Variants in TRAPPC10 observed in about 807,000 individuals in gnomAD.
TRAPPC10 encodes the protein TRAPP 130 kDa subunit.
TRAPPC10 carries 23 observed loss-of-function variants against 125.5 expected under a neutral mutation model. That is an observed-to-expected ratio of 0.18 (90% CI 0.13 to 0.26). The LOEUF is 0.26. Ranked by LOEUF, TRAPPC10 falls within the 10% of genes least tolerant of loss-of-function variation. TRAPPC10 has a pLI of 1.00. For missense variants in TRAPPC10, 1,123 were observed against 1,308.4 expected (o/e 0.86, Z 2.19); for synonymous variants, 509 against 518.0 (o/e 0.98, Z 0.24).
intron 20 of TRAPPC10, among the ~76,000 whole-genome samples, chr21:44,095,547 GTTTT>G (rs879736478): frequency 6.8e-6 from 1 of 147,500 alleles, no homozygotes; most frequent in Non-Finnish European, 1.5e-5. Flanking sequence ...TAAAGTATGG[GTTTT>G]TTTTTGTTTT....
chr21:44,065,873 A>AT (rs1208419929), intron 7 of TRAPPC10, among the ~76,000 whole-genome samples: 2 of 152,062 alleles, frequency 1.3e-5, no homozygotes, highest in East Asian at 1.9e-4. Context: ...AAATTTTTAA[A>AT]TTTTTTGGTA....
chr21:44,072,722 C>G (rs1209995520), intron 7 of TRAPPC10, among the ~76,000 whole-genome samples: 4 of 152,204 alleles, frequency 2.6e-5, no homozygotes, highest in African/African-American at 7.2e-5. Flanking sequence ...CCTCGGCCTC[C>G]CAACGTGCTG....
At chr21:44,072,253 G>A (rs186247958) in intron 7 of TRAPPC10, among the ~76,000 whole-genome samples, 358 of 147,038 alleles carry the variant, frequency 2.4e-3, no homozygotes, top group African/African-American at 8.0e-3. Context: ...CTCAGCTCTC[G>A]GCTGCTGCTG....
Position 44,087,722 on chromosome 21 carries a change from C to T in TRAPPC10, c.2563C>T (p.Arg855Trp), listed in dbSNP as rs775955824. The change falls in exon 17 of 23, where the codon CGG becomes TGG. Residue 855 changes from arginine to tryptophan, a missense_variant. By Grantham distance (101) the Arg-to-Trp change is moderately radical (BLOSUM62 -3). Coordinates refer to ENST00000291574, the MANE Select transcript of TRAPPC10 (RefSeq NM_003274.5). This position sits in a 1 kb window ranked among gnomAD's most constrained non-coding sequence, Gnocchi z 4.6. ...TREQSSEAALRIQSSDKVTSI... is the reference protein window; with the variant it reads ...TREQSSEAALWIQSSDKVTSI... ...AGAACAGTCTTCTGAGGCCGCGCTC[C>T]GGATTCAGTCCTCCGACAAGGTCAC... 3.0e-5 allele frequency: 48 copies of T among 1,613,842 alleles called. No homozygotes were observed. The highest frequency in any genetic ancestry group is 4.0e-5 in the African/African-American group (3 of 74,930).
At chr21:44,071,797 G>T (rs992009041) in intron 7 of TRAPPC10, among the ~76,000 whole-genome samples, 9 of 152,346 alleles carry the variant, frequency 5.9e-5, no homozygotes, top group Non-Finnish European at 1.3e-4. Flanking sequence ...GTGAGAACTC[G>T]CAGCGGAGAC....
At chr21:44,026,777 T>G (rs766963881) in intron 1 of TRAPPC10, among the ~76,000 whole-genome samples, 1 of 152,216 alleles carries the variant, frequency 6.6e-6, no homozygotes, top group Non-Finnish European at 1.5e-5. Context: ...CTGCTTTTAG[T>G]CGCAACTGGG....
At chr21:44,018,961 C>T (rs2032187926) in intron 1 of TRAPPC10, among the ~76,000 whole-genome samples, 1 of 152,184 alleles carries the variant, frequency 6.6e-6, no homozygotes, top group Non-Finnish European at 1.5e-5. Flanking sequence ...AGGTATTGCA[C>T]ACTGATCTCC....
intron 3 of TRAPPC10, among the ~76,000 whole-genome samples, chr21:44,041,788 G>A (rs776165446): frequency 1.4e-4 from 21 of 151,950 alleles, no homozygotes; most frequent in Non-Finnish European, 2.5e-4. Context: ...GTGTAGTGGC[G>A]CATTCTCGAC....
chr21:44,032,465 C>T (rs2033665012), intron 2 of TRAPPC10, among the ~76,000 whole-genome samples: 1 of 150,930 alleles, frequency 6.6e-6, no homozygotes, highest in Admixed American at 6.6e-5. Flanking sequence ...TCACTGCAAC[C>T]TCCACCTCCT....
chr21:44,088,130 G>T (rs2038276612), intron 17 of TRAPPC10: 1 of 591,544 alleles, frequency 1.7e-6, no homozygotes, highest in African/African-American at 1.9e-5. Context: ...GCAGAGACAA[G>T]CCAGCTCTAC....
At position 44,087,908 on chromosome 21, in the gene TRAPPC10, A is replaced by G. The variant is rs1416515931; in HGVS notation, c.2749A>G (p.Met917Val). ...GGACAAACAGAGAACTGGCCGCTGC[A>G]TGGTTACCACAGACCACAAAGTGAG... ...HKDKQRTGRC[M>V]VTTDHKVSID... Residue 917 changes from methionine (M) to valine (V), a missense_variant, in exon 17 of 23, where the codon ATG (methionine) becomes GTG (valine). By Grantham distance (21) the Met-to-Val change is conservative. Transcript: ENST00000291574. The surrounding 1 kb of genome is among the most constrained non-coding windows in gnomAD (Gnocchi z 4.6). The G allele has an allele frequency of 6.2e-7, 1 of 1,613,840 alleles. No homozygotes were observed. Among genetic ancestry groups the G allele is most frequent in the Non-Finnish European group, 8.5e-7 (1 of 1,179,938 alleles).
At position 44,087,032 on chromosome 21, in the gene TRAPPC10, C is replaced by T; in HGVS notation, c.2539+72C>T. On this transcript the variant is annotated intron_variant, in intron 16 of 22. Coordinates refer to ENST00000291574, the MANE Select transcript of TRAPPC10 (RefSeq NM_003274.5). This position sits in a 1 kb window ranked among gnomAD's most constrained non-coding sequence, Gnocchi z 4.6. ...TGCACTGTGTGGGTGTGAGGGTGAG[C>T]CTGGCCTTGCTGCCATCCTGCTGAG... 6.5e-7 allele frequency: 1 copy of T among 1,548,424 alleles called. No individual in the cohort carries two copies. The highest frequency in any genetic ancestry group is 8.8e-7 in the Non-Finnish European group (1 of 1,136,720).
intron 20 of TRAPPC10, among the ~76,000 whole-genome samples, chr21:44,094,690 G>A (rs1426760331): frequency 6.6e-6 from 1 of 152,186 alleles, no homozygotes; most frequent in Non-Finnish European, 1.5e-5. Flanking sequence ...GCATCATTTG[G>A]TAGAAGCCAA....
chr21:44,063,862 A>G lies in TRAPPC10; in HGVS notation c.1038+77A>G. The G allele has an allele frequency of 6.5e-7, 1 of 1,537,028 alleles. No homozygotes were observed. The highest frequency in any genetic ancestry group is 8.7e-7 in the Non-Finnish European group (1 of 1,145,380). On this transcript the variant is annotated intron_variant, in intron 7 of 22. Coordinates refer to ENST00000291574, the MANE Select transcript of TRAPPC10 (RefSeq NM_003274.5). This position sits in a 1 kb window ranked among gnomAD's most constrained non-coding sequence, Gnocchi z 4.4. ...ATCTCTGAACCTTGAGATCCCAGGC[A>G]TTGAACTGTTTGTGCTTAAGAAAGG...
At chr21:44,049,577 T>C (rs996564621) in intron 3 of TRAPPC10, among the ~76,000 whole-genome samples, 6 of 152,334 alleles carry the variant, frequency 3.9e-5, no homozygotes, top group Non-Finnish European at 8.8e-5. Flanking sequence ...TGGCCCCTTA[T>C]ACCACTTACA....
chr21:44,062,838 C>T, intron 6 of TRAPPC10: 1 of 985,432 alleles, frequency 1.0e-6, no homozygotes, highest in Non-Finnish European at 1.2e-6. Flanking sequence ...CTGGTTATGA[C>T]ACCTCTCTGT....
Position 44,012,499 on chromosome 21 carries a change from C to T in TRAPPC10, c.6C>T (p.Asp2=). The change falls in exon 1 of 23, where the codon GAC becomes GAT. Residue 2 remains aspartate (D), a synonymous_variant. Coordinates refer to ENST00000291574, the MANE Select transcript of TRAPPC10 (RefSeq NM_003274.5). M[D]ASEEPLPPVI... ...GCCGGTGACGCCGGACGCCCATGGA[C>T]GCCTCTGAGGAGCCGCTGCCGCCGG... is the stretch of plus-strand genomic sequence containing the variant. 1.3e-6 allele frequency: 2 copies of T among 1,519,158 alleles called. No individual in the cohort carries two copies. The highest frequency in any genetic ancestry group is 1.2e-5 in the South Asian group (1 of 82,046). 94.1% of individuals were successfully genotyped at this position (1,519,158 alleles called of 1,614,324 possible). A position where few individuals can be genotyped will look rare whatever the true frequency, so the allele number is the denominator to read the frequency against.
At position 44,048,603 on chromosome 21, in the gene TRAPPC10, C is replaced by T. The variant is rs541610113; in HGVS notation, c.286-3677C>T. 6.6e-5 allele frequency among the ~76,000 whole-genome samples: 10 copies of T among 152,232 alleles called. No homozygotes were observed. In the South Asian group the frequency reaches 1.9e-3, roughly 28 times the overall value. On this transcript the variant is annotated intron_variant, in intron 3 of 22. Transcript: ENST00000291574. ...CCACCTCCTGGGGTCAAGCAATTCTCCTGCCTCAGCCTGCTAAATAGCTGG... is the reference window on the plus strand; with the variant it reads ...CCACCTCCTGGGGTCAAGCAATTCTTCTGCCTCAGCCTGCTAAATAGCTGG...
At chr21:44,077,637 G>A (rs1483976874) in intron 10 of TRAPPC10, 56 bp from the exon 11 acceptor site, 6 of 1,288,036 alleles carry the variant, frequency 4.7e-6, no homozygotes, top group African/African-American at 1.5e-5. Context: ...AATAAATGTA[G>A]TATTTGTCCA....
Sources: allele counts gnomAD v4.1 joint callset (sites outside exome capture counted in the v4.1 genomes callset), GRCh38; gene constraint gnomAD v4.1.1; non-coding constraint Gnocchi (gnomAD v3.1); transcripts MANE v1.5; gene names NCBI Gene and HGNC (gene_info 2026-07-23, HGNC 2026-07-21).